Variants in NELL1 observed in about 807,000 individuals in gnomAD.
NELL1 encodes protein kinase C-binding protein NELL1.
A neutral mutation model predicts 107.4 loss-of-function variants in NELL1; 76 were observed. That is an observed-to-expected ratio of 0.71 (90% CI 0.59 to 0.86). NELL1 has a LOEUF of 0.86. NELL1 is among the 40% of genes least tolerant of loss of function. The probability of loss-of-function intolerance (pLI) is 0.00; values close to 1 mark genes in which losing one functional copy is unlikely to be tolerated. For missense variants in NELL1, 1,024 were observed against 1,005.5 expected (o/e 1.02, Z -0.25); for synonymous variants, 353 against 341.2 (o/e 1.03, Z -0.38).
intron 14 of NELL1, among the ~76,000 whole-genome samples, chr11:21,313,884 G>A (rs1849804579): frequency 6.6e-6 from 1 of 151,860 alleles, no homozygotes; most frequent in African/African-American, 2.4e-5. Context: ...TTGCATCATG[G>A]CAGTGGATAT....
intron 3 of NELL1, among the ~76,000 whole-genome samples, chr11:20,822,385 A>G (rs529455162): frequency 1.1e-3 from 165 of 152,212 alleles, no homozygotes; most frequent in Non-Finnish European, 2.0e-3. Context: ...TTCTACCTTC[A>G]TTTCCTGGCA....
At chr11:21,404,049 C>T (rs1590904816) in intron 15 of NELL1, among the ~76,000 whole-genome samples, 2 of 137,928 alleles carry the variant, frequency 1.5e-5, no homozygotes, top group African/African-American at 5.3e-5. Context: ...CCCCCCGCCA[C>T]CACGCACACC....
chr11:20,679,353 G>C (rs1443059344), intron 2 of NELL1, among the ~76,000 whole-genome samples: 1 of 152,112 alleles, frequency 6.6e-6, no homozygotes. Context: ...TGTCTGGCAG[G>C]GTTCTTTTAA....
At chr11:20,850,949 A>G (rs565811955) in intron 4 of NELL1, among the ~76,000 whole-genome samples, 56 of 152,330 alleles carry the variant, frequency 3.7e-4, no homozygotes, top group Non-Finnish European at 6.0e-4. Flanking sequence ...ATCACATAAT[A>G]TAATAAGCAT....
At chr11:21,276,452 C>G (rs191693266) in intron 14 of NELL1, among the ~76,000 whole-genome samples, 5 of 152,266 alleles carry the variant, frequency 3.3e-5, no homozygotes, top group Non-Finnish European at 7.4e-5. Context: ...GAATCAATAT[C>G]GTGAAAATGG....
chr11:21,549,372 A>G (rs1229248301), intron 16 of NELL1, among the ~76,000 whole-genome samples: 3 of 151,966 alleles, frequency 2.0e-5, no homozygotes, highest in Non-Finnish European at 4.4e-5. Context: ...TTAATCAATC[A>G]TAACTCAATA....
chr11:20,904,477 A>G (rs1849949150), intron 5 of NELL1, among the ~76,000 whole-genome samples: 1 of 152,174 alleles, frequency 6.6e-6, no homozygotes, highest in Non-Finnish European at 1.5e-5. Flanking sequence ...CCTGGGGCCA[A>G]AGAGTATGGT....
intron 15 of NELL1, among the ~76,000 whole-genome samples, chr11:21,484,903 G>C (rs1040259842): frequency 7.2e-5 from 11 of 152,076 alleles, no homozygotes; most frequent in Non-Finnish European, 7.4e-5. Flanking sequence ...AGTTCACATA[G>C]ATTTCCTAGG....
chr11:21,344,942 AT>A (rs1185228989), intron 14 of NELL1, among the ~76,000 whole-genome samples: 1 of 152,138 alleles, frequency 6.6e-6, no homozygotes, highest in Admixed American at 6.6e-5. Context: ...AATTTTAATA[AT>A]TTTTATTGAA....
At chr11:20,888,671 G>A (rs974479582) in intron 5 of NELL1, among the ~76,000 whole-genome samples, 4 of 151,884 alleles carry the variant, frequency 2.6e-5, no homozygotes, top group African/African-American at 9.7e-5. Flanking sequence ...AAACATAGAG[G>A]CATCAGAACA....
chr11:20,998,302 C>A (rs1392423446), intron 12 of NELL1, among the ~76,000 whole-genome samples: 1 of 152,154 alleles, frequency 6.6e-6, no homozygotes, highest in Non-Finnish European at 1.5e-5. Flanking sequence ...GATTTTCTAA[C>A]ACTCCTGATA....
At chr11:21,124,316 G>A (rs1855440177) in intron 13 of NELL1, among the ~76,000 whole-genome samples, 1 of 152,006 alleles carries the variant, frequency 6.6e-6, no homozygotes, top group South Asian at 2.1e-4. Context: ...GACCTGGTAG[G>A]GATAATGTCT....
rs1389997215 is a variant in NELL1 at position 21,534,619 on chromosome 11, T to C, written c.1786+105T>C. 5 of 1,210,514 alleles carry C rather than the reference T, an allele frequency of 4.1e-6. No homozygotes were observed. In the African/African-American group the frequency reaches 4.5e-5, roughly 11 times the overall value. 75.0% of individuals were successfully genotyped at this position (1,210,514 alleles called of 1,614,324 possible). A position where few individuals can be genotyped will look rare whatever the true frequency, so the allele number is the denominator to read the frequency against. Reference sequence around the variant, plus strand: ...CCCAGTGTTAAAATATGACCATTCATTGGTTAAATGCATCAGTTTTCAAAT... The same window carrying C: ...CCCAGTGTTAAAATATGACCATTCACTGGTTAAATGCATCAGTTTTCAAAT... On this transcript the variant is annotated intron_variant, in intron 16 of 19. Coordinates refer to ENST00000357134, the MANE Select transcript of NELL1 (RefSeq NM_006157.5).
At chr11:21,425,215 C>T (rs918860852) in intron 15 of NELL1, among the ~76,000 whole-genome samples, 1 of 152,098 alleles carries the variant, frequency 6.6e-6, no homozygotes, top group South Asian at 2.1e-4. Flanking sequence ...TCAACAAATT[C>T]CCAAAGTCTT....
chr11:21,144,282 C>T (rs1036084132), intron 13 of NELL1, among the ~76,000 whole-genome samples: 6 of 152,088 alleles, frequency 3.9e-5, no homozygotes, highest in African/African-American at 1.4e-4. Context: ...CAAGCTCCTG[C>T]TGAGTGGAAG....
At chr11:20,976,665 C>T (rs1262829348) in intron 12 of NELL1, among the ~76,000 whole-genome samples, 1 of 152,158 alleles carries the variant, frequency 6.6e-6, no homozygotes, top group African/African-American at 2.4e-5. Flanking sequence ...CTTACTTGTA[C>T]ATGGAATTAT....
intron 11 of NELL1, among the ~76,000 whole-genome samples, chr11:20,957,967 C>T (rs1851212429): frequency 6.6e-6 from 1 of 151,828 alleles, no homozygotes; most frequent in Non-Finnish European, 1.5e-5. Flanking sequence ...TAGAGAAAAA[C>T]GTGGAAAGGG....
chr11:21,461,509 G>T (rs187039068), intron 15 of NELL1, among the ~76,000 whole-genome samples: 1 of 152,094 alleles, frequency 6.6e-6, no homozygotes, highest in African/African-American at 2.4e-5. Context: ...TTAACAGAAG[G>T]TCTCCAAATT....
chr11:20,833,832 C>T (rs1858064761), intron 3 of NELL1, among the ~76,000 whole-genome samples: 2 of 152,054 alleles, frequency 1.3e-5, no homozygotes, highest in African/African-American at 2.4e-5. Flanking sequence ...TGGGAGGGAT[C>T]GTGGTATGTT....
Sources: allele counts gnomAD v4.1 joint callset (sites outside exome capture counted in the v4.1 genomes callset), GRCh38; gene constraint gnomAD v4.1.1; transcripts MANE v1.5; gene names NCBI Gene and HGNC (gene_info 2026-07-23, HGNC 2026-07-21).